Variants in COMMD3 observed in about 807,000 individuals in gnomAD.
COMMD3 encodes the protein COMM domain containing 3.
A neutral mutation model predicts 31.2 loss-of-function variants in COMMD3; 31 were observed. That is an observed-to-expected ratio of 0.99 (90% CI 0.75 to 1.34). COMMD3 has a LOEUF of 1.34. Ranked by LOEUF, COMMD3 falls within the 40% of genes most tolerant of loss-of-function variation. The pLI, the probability that COMMD3 is intolerant of heterozygous loss-of-function variation, is 0.00. For synonymous variants in COMMD3, 108 were observed against 87.3 expected (o/e 1.24, Z -1.32); for missense variants, 274 against 236.9 (o/e 1.16, Z -1.03).
intron 7 of COMMD3, 82 bp downstream of exon 7, chr10:22,319,100 AAATT>A (rs1209807513): frequency 1.6e-5 from 23 of 1,416,416 alleles, no homozygotes; most frequent in Non-Finnish European, 2.2e-5. Context: ...GTTCAAAAGA[AAATT>A]AATCTAACCA....
Position 22,316,530 on chromosome 10 carries a change from A to C in COMMD3, c.113A>C (p.Asp38Ala), listed in dbSNP as rs773162718. 12 of 1,549,178 alleles carry C rather than the reference A, an allele frequency of 7.7e-6. No homozygotes were observed. Among genetic ancestry groups the C allele is most frequent in the Non-Finnish European group, 7.0e-6 (8 of 1,146,054 alleles). The change falls in exon 1 of 8, where the codon GAC becomes GCC. Residue 38 changes from aspartate (D) to alanine (A), a missense_variant. Transcript: ENST00000376836. Reference protein sequence around the residue: ...LLRAAFQSLLDAQADEAVLDH... With the variant: ...LLRAAFQSLLAAQADEAVLDH... ...CGGGCGGCATTCCAGAGTCTGCTGG[A>C]CGCCCAGGCGGACGAGGCCGTGTTA...
chr10:22,316,445 G>A lies in COMMD3; in HGVS notation c.28G>A (p.Gly10Ser). 1 of 1,551,246 alleles carries A rather than the reference G, an allele frequency of 6.4e-7. No homozygotes were observed. Among genetic ancestry groups the A allele is most frequent in the Non-Finnish European group, 8.7e-7 (1 of 1,146,980 alleles). Residue 10 changes from glycine (G) to serine (S), a missense_variant, in exon 1 of 8, where the codon GGC (glycine) becomes AGC (serine). Transcript: ENST00000376836. The part of the protein sequence containing the change: MELSESVQK[G>S]FQMLADPRSF... The stretch of plus-strand genomic sequence containing the variant: ...GGAGCTCTCGGAGTCTGTGCAGAAA[G>A]GCTTCCAGATGCTGGCGGATCCCCG...
chr10:22,317,609 A>G (rs536294304), intron 1 of COMMD3: 15 of 258,442 alleles, frequency 5.8e-5, no homozygotes, highest in Non-Finnish European at 1.1e-4. Flanking sequence ...GCATTGTTAT[A>G]TTTTCTTTGG....
rs753348282 is a variant in COMMD3, at chr10:22,318,995, A to C, written c.505A>C (p.Ser169Arg). The C allele has an allele frequency of 3.1e-6, 5 of 1,611,954 alleles. No homozygotes were observed. In the South Asian group the frequency reaches 5.5e-5, roughly 18 times the overall value. ...DSPSYPEISFSCSMEQLQDLV... is the reference protein window; with the variant it reads ...DSPSYPEISFRCSMEQLQDLV... ...CCCATCCTATCCAGAGATTAGTTTT[A>C]GTTGCAGCATGGAACAATTACAGGT... is the stretch of plus-strand genomic sequence containing the variant. Residue 169 changes from serine (S) to arginine (R), a missense_variant, in exon 7 of 8, where the codon AGT becomes CGT. By Grantham distance (110) the Ser-to-Arg change is moderately radical (BLOSUM62 -1). Coordinates refer to ENST00000376836, the MANE Select transcript of COMMD3 (RefSeq NM_012071.4).
Position 22,320,099 on chromosome 10 carries a change from G to A in COMMD3, c.*101G>A, listed in dbSNP as rs1489307456. 2 of 1,603,710 alleles carry A rather than the reference G, an allele frequency of 1.2e-6. No homozygotes were observed. Among genetic ancestry groups the A allele is most frequent in the Non-Finnish European group, 1.7e-6 (2 of 1,174,720 alleles). On this transcript the variant is annotated 3_prime_UTR_variant, in exon 8 of 8. Transcript: ENST00000376836. ...TGCGAGCTGGATGTCCTTTTCAGTA[G>A]AAAAGAATTTTCCTTTTGAATTTAT...
In COMMD3 at chr10:22,316,484, A is replaced by G. The variant is rs749426689; in HGVS notation, c.67A>G (p.Asn23Asp). The part of the protein sequence containing the change: ...MLADPRSFDS[N>D]AFTLLLRAAF... ...GGCGGATCCCCGCTCCTTCGACTCC[A>G]ACGCCTTCACGCTTCTCCTCCGGGC... Residue 23 changes from asparagine to aspartate, a missense_variant, in exon 1 of 8, where the codon AAC becomes GAC. Physicochemically the swap from Asn to Asp is conservative, Grantham distance 23. Coordinates refer to ENST00000376836, the MANE Select transcript of COMMD3 (RefSeq NM_012071.4). 1.3e-6 allele frequency: 2 copies of G among 1,550,566 alleles called. No homozygotes were observed. The highest frequency in any genetic ancestry group is 1.7e-6 in the Non-Finnish European group (2 of 1,146,742).
chr10:22,318,257 C>T lies in COMMD3; in HGVS notation c.316-15C>T. 1.3e-6 allele frequency: 2 copies of T among 1,599,612 alleles called. No individual in the cohort carries two copies. On this transcript the variant is annotated splice_polypyrimidine_tract_variant and intron_variant, in intron 3 of 7. Transcript: ENST00000376836. ...TTTTTTTTTCTTTCTTTCTTGCTTT[C>T]TTTTTTCTCTCCAGAATAATAAGAA...
chr10:22,316,948 AG>A (rs1480935164), intron 1 of COMMD3: 1 of 158,860 alleles, frequency 6.3e-6, no homozygotes, highest in African/African-American at 2.4e-5. Context: ...TTCCAGGGCT[AG>A]GCTAGCAAAG....
chr10:22,318,598 A>T, intron 4 of COMMD3, 55 bp from the exon 5 acceptor site: 1 of 1,465,808 alleles, frequency 6.8e-7, no homozygotes, highest in Non-Finnish European at 9.5e-7. Flanking sequence ...AAATATAAAT[A>T]ACTGAAAAGT....
chr10:22,318,327 CAAGCT>C (rs1457616004), intron 4 of COMMD3, 21 bp downstream of exon 4: 7 of 1,586,930 alleles, frequency 4.4e-6, no homozygotes, highest in Non-Finnish European at 8.5e-7. Flanking sequence ...TATAAGGTGT[CAAGCT>C]GAGGCACTTT....
At chr10:22,319,114 A>G in intron 7 of COMMD3, 96 bp downstream of exon 7, 1 of 1,331,174 alleles carries the variant, frequency 7.5e-7, no homozygotes, top group South Asian at 1.6e-5. Flanking sequence ...TAATCTAACC[A>G]TTTGTCAGCA....
rs773022603 is a variant in COMMD3, at chr10:22,318,622, CTA to C, written c.351-29_351-28del. On this transcript the variant is annotated intron_variant, in intron 4 of 7. Transcript: ENST00000376836. ...TAACTGAAAAGTTCTTCTGAGGAGA[CTA>C]TGTACGAAGTTATCATTGCATCTTT... The C allele has an allele frequency of 1.2e-5, 19 of 1,580,380 alleles. No individual in the cohort carries two copies. The Admixed American group carries it at 1.8e-4, about 15-fold the overall frequency.
At chr10:22,318,434 A>G in intron 4 of COMMD3, 128 bp downstream of exon 4, 1 of 1,334,004 alleles carries the variant, frequency 7.5e-7, no homozygotes, top group Middle Eastern at 1.9e-4. Context: ...ATGTCAAGCA[A>G]TTGAAGTTAA....
intron 4 of COMMD3, 108 bp from the exon 5 acceptor site, chr10:22,318,545 G>T: frequency 8.7e-7 from 1 of 1,155,674 alleles, no homozygotes; most frequent in Non-Finnish European, 1.3e-6. Flanking sequence ...ATTCAGAATG[G>T]ATTAAAATGG....
In COMMD3 at chr10:22,318,126, A is replaced by C; in HGVS notation, c.273A>C (p.Lys91Asn). 1 of 1,612,974 alleles carries C rather than the reference A, an allele frequency of 6.2e-7. No individual in the cohort carries two copies. Among genetic ancestry groups the C allele is most frequent in the Non-Finnish European group, 8.5e-7 (1 of 1,179,786 alleles). Residue 91 changes from lysine to asparagine, a missense_variant, in exon 3 of 8, where the codon AAA becomes AAC. Coordinates refer to ENST00000376836, the MANE Select transcript of COMMD3 (RefSeq NM_012071.4). ...CTAGCACTTATCTAGAAGACTGTAA[A>C]TTTGACAGAGAGCGAATAGAACTGT... ...STLSTYLEDCKFDRERIELFC... is the reference protein window; with the variant it reads ...STLSTYLEDCNFDRERIELFC...
intron 7 of COMMD3, 184 bp from the exon 8 acceptor site, chr10:22,319,755 A>G: frequency 1.6e-6 from 1 of 639,388 alleles, no homozygotes; most frequent in Non-Finnish European, 2.6e-6. Context: ...CGATTTGAAC[A>G]TGAGGTATTT....
rs370953837 is a variant in COMMD3 at position 22,319,007 on chromosome 10, G to C, written c.517G>C (p.Glu173Gln). ...AGAGATTAGTTTTAGTTGCAGCATG[G>C]AACAATTACAGGTACAGTATTAGGA... is the stretch of plus-strand genomic sequence containing the variant. ...YPEISFSCSM[E>Q]QLQDLVGKLK... The change falls in exon 7 of 8, where the codon GAA becomes CAA. Residue 173 changes from glutamate to glutamine, a missense_variant. Transcript: ENST00000376836. 6.2e-7 allele frequency: 1 copy of C among 1,611,162 alleles called. No homozygotes were observed. Among genetic ancestry groups the C allele is most frequent in the Middle Eastern group, 1.7e-4 (1 of 6,034 alleles).
rs563817948 is a variant in COMMD3 at position 22,316,784 on chromosome 10, C to T, written c.139+228C>T. On this transcript the variant is annotated intron_variant, in intron 1 of 7. Transcript: ENST00000376836. ...CCTGCATAGAGCCAACTCCACGTTC[C>T]TGGCCCGGTTTCCCTCCCAGTCTCT... 9.1e-5 allele frequency: 51 copies of T among 561,946 alleles called. No homozygotes were observed. In the South Asian group the frequency reaches 2.0e-3, roughly 22 times the overall value. The allele number at this position is 561,946 out of a possible 1,614,324, so 34.8% of individuals were successfully genotyped here. A position where few individuals can be genotyped will look rare whatever the true frequency, so the allele number is the denominator to read the frequency against.
In COMMD3 at chr10:22,320,276, C is replaced by T. The variant is rs77141143; in HGVS notation, c.*278C>T. The T allele has an allele frequency of 2.6e-3, 1,750 of 674,642 alleles. 17 individuals are homozygous for T. In the African/African-American group the frequency reaches 0.028, roughly 11 times the overall value. The allele number at this position is 674,642 out of a possible 1,614,324, so 41.8% of individuals were successfully genotyped here. A position where few individuals can be genotyped will look rare whatever the true frequency, so the allele number is the denominator to read the frequency against. On this transcript the variant is annotated 3_prime_UTR_variant, in exon 8 of 8. Coordinates refer to ENST00000376836, the MANE Select transcript of COMMD3 (RefSeq NM_012071.4). ...TGAAAGGAAGTAGACAGTATTACACCCTGAATAAATAAGGTGTTGTTTTCC... is the reference window on the plus strand; with the variant it reads ...TGAAAGGAAGTAGACAGTATTACACTCTGAATAAATAAGGTGTTGTTTTCC...
Sources: allele counts gnomAD v4.1 joint callset, GRCh38; gene constraint gnomAD v4.1.1; transcripts MANE v1.5; gene names NCBI Gene and HGNC (gene_info 2026-07-23, HGNC 2026-07-21).